DNAAF11: variants seen among roughly 807,000 people sequenced by gnomAD.
DNAAF11 encodes the protein dynein axonemal assembly factor 11.
DNAAF11 carries 45 observed loss-of-function variants against 60.8 expected under a neutral mutation model. The observed-to-expected ratio is 0.74, with a 90% CI of 0.58 to 0.95. The LOEUF (loss-of-function observed/expected upper bound fraction) is 0.95. Ranked by LOEUF, DNAAF11 falls within the 40% of genes least tolerant of loss-of-function variation. The pLI is 0.00. For missense variants in DNAAF11, 546 were observed against 546.2 expected (o/e 1.00, Z 0.00); for synonymous variants, 191 against 183.5 (o/e 1.04, Z -0.33).
At chr8:132,594,781 C>A (rs894864688) in intron 10 of DNAAF11, among the ~76,000 whole-genome samples, 2 of 152,276 alleles carry the variant, frequency 1.3e-5, no homozygotes, top group Admixed American at 6.5e-5. Context: ...TGAGGCCTCC[C>A]AAGCCATGCA....
At position 132,662,057 on chromosome 8, in the gene DNAAF11, T is replaced by A. The variant is rs148921823; in HGVS notation, c.11-430A>T. Among the ~76,000 whole-genome samples the A allele has an allele frequency of 1.6e-3, 241 of 152,320 alleles. 2 individuals carry two copies. The highest frequency in any genetic ancestry group is 5.4e-3 in the African/African-American group (226 of 41,582). On this transcript the variant is annotated intron_variant, in intron 1 of 11. Coordinates refer to ENST00000620350, the MANE Select transcript of DNAAF11 (RefSeq NM_012472.6). ...GTCAGAGGGCAGAAATATGAAAGCA[T>A]CTTCTACCATTCAGAAAATAAAGGT...
At chr8:132,580,417 G>A (rs948014772) in intron 11 of DNAAF11, among the ~76,000 whole-genome samples, 70 of 152,300 alleles carry the variant, frequency 4.6e-4, no homozygotes, top group African/African-American at 1.6e-3. Flanking sequence ...GATTAGTAAA[G>A]TTGCTGGCTA....
chr8:132,699,848 A>G, the DNAAF11 span, among the ~76,000 whole-genome samples: 2 of 152,358 alleles, frequency 1.3e-5, no homozygotes, highest in Non-Finnish European at 2.9e-5. Context: ...AACCAAATGC[A>G]ATAGGTCACA....
At chr8:132,640,388 A>G (rs1271446061) in intron 3 of DNAAF11, among the ~76,000 whole-genome samples, 1 of 152,158 alleles carries the variant, frequency 6.6e-6, no homozygotes, top group East Asian at 1.9e-4. Context: ...GATGATTTCC[A>G]AATGATAACC....
At chr8:132,631,741 C>G (rs1022264669) in intron 5 of DNAAF11, among the ~76,000 whole-genome samples, 2 of 152,098 alleles carry the variant, frequency 1.3e-5, no homozygotes, top group African/African-American at 4.8e-5. Flanking sequence ...AAAGATCCAT[C>G]ATTCTCAGCA....
chr8:132,663,268 C>G (rs753532586), intron 1 of DNAAF11, among the ~76,000 whole-genome samples: 2 of 152,124 alleles, frequency 1.3e-5, no homozygotes, highest in Admixed American at 6.5e-5. Context: ...AAATAGGGTG[C>G]TATAATCAAG....
chr8:132,699,936 A>G, the DNAAF11 span, among the ~76,000 whole-genome samples: 22 of 152,300 alleles, frequency 1.4e-4, no homozygotes, highest in African/African-American at 5.3e-4. Context: ...GGGGCCAGGG[A>G]AGGGCAGAAT....
At chr8:132,628,792 T>C (rs1323980296) in intron 5 of DNAAF11, among the ~76,000 whole-genome samples, 1 of 152,206 alleles carries the variant, frequency 6.6e-6, no homozygotes, top group African/African-American at 2.4e-5. Flanking sequence ...AGAAGGCACC[T>C]GCAAGAAACC....
At chr8:132,670,330 T>C (rs1825062766) in intron 1 of DNAAF11, among the ~76,000 whole-genome samples, 1 of 152,168 alleles carries the variant, frequency 6.6e-6, no homozygotes, top group Non-Finnish European at 1.5e-5. Context: ...ATATGTATTC[T>C]ACAGATATTA....
At chr8:132,643,060 C>T (rs1002843522) in intron 3 of DNAAF11, among the ~76,000 whole-genome samples, 1 of 152,180 alleles carries the variant, frequency 6.6e-6, no homozygotes, top group African/African-American at 2.4e-5. Context: ...CACAATAGGG[C>T]TCCGCTCCTA....
intron 7 of DNAAF11, among the ~76,000 whole-genome samples, chr8:132,621,230 C>T (rs1819730092): frequency 1.3e-5 from 2 of 152,166 alleles, no homozygotes; most frequent in Admixed American, 6.5e-5. Context: ...CAGAAGTGAA[C>T]CCTCCACTTC....
At chr8:132,673,786 C>T (rs1353375600) in intron 1 of DNAAF11, among the ~76,000 whole-genome samples, 2 of 152,164 alleles carry the variant, frequency 1.3e-5, no homozygotes, top group African/African-American at 4.8e-5. Context: ...CCCTCTCTCT[C>T]CTGGCTGTAA....
chr8:132,652,436 T>A (rs748173840), intron 3 of DNAAF11, among the ~76,000 whole-genome samples: 1 of 152,080 alleles, frequency 6.6e-6, no homozygotes, highest in Non-Finnish European at 1.5e-5. Flanking sequence ...ATTCAGGGGA[T>A]GAAAAAAATT....
chr8:132,591,699 G>A (rs970116463), intron 10 of DNAAF11, among the ~76,000 whole-genome samples: 1 of 152,006 alleles, frequency 6.6e-6, no homozygotes, highest in Non-Finnish European at 1.5e-5. Context: ...CATGAGGACA[G>A]GAAGTTCTCT....
intron 3 of DNAAF11, among the ~76,000 whole-genome samples, chr8:132,642,603 C>A (rs1821965714): frequency 6.6e-6 from 1 of 152,158 alleles, no homozygotes; most frequent in Non-Finnish European, 1.5e-5. Flanking sequence ...GCTCAGAGAC[C>A]CTAAGCCACC....
intron 4 of DNAAF11, among the ~76,000 whole-genome samples, chr8:132,635,943 A>C (rs915257597): frequency 2.8e-4 from 43 of 152,242 alleles, no homozygotes; most frequent in African/African-American, 9.9e-4. Context: ...AGAAGCTAGG[A>C]GGGAGGGCAT....
chr8:132,598,839 C>T (rs984023809), intron 10 of DNAAF11, among the ~76,000 whole-genome samples: 16 of 152,168 alleles, frequency 1.1e-4, no homozygotes, highest in African/African-American at 3.6e-4. Flanking sequence ...CTAAAATTGA[C>T]ACCCTAACAT....
upstream of DNAAF11, chr8:132,675,713 C>T (rs970939792): frequency 9.3e-6 from 4 of 432,360 alleles, no homozygotes; most frequent in Non-Finnish European, 1.7e-5. Context: ...GACAGGGGTT[C>T]CCCAACCCAA....
chr8:132,654,644 A>T (rs1823362129), intron 3 of DNAAF11, among the ~76,000 whole-genome samples: 1 of 151,928 alleles, frequency 6.6e-6, no homozygotes, highest in Non-Finnish European at 1.5e-5. Flanking sequence ...AGTCACAAAG[A>T]TGTGGAAATT....
Sources: allele counts gnomAD v4.1 joint callset (sites outside exome capture counted in the v4.1 genomes callset), GRCh38; gene constraint gnomAD v4.1.1; transcripts MANE v1.5; gene names NCBI Gene and HGNC (gene_info 2026-07-23, HGNC 2026-07-21).